HTR1F: variants seen among roughly 807,000 people sequenced by gnomAD.
HTR1F encodes the protein 5-hydroxytryptamine receptor 1F.
In HTR1F, 17 loss-of-function variants were observed where a neutral mutation model predicts 24.0. That is an observed-to-expected ratio of 0.71 (90% confidence interval 0.48 to 1.06). HTR1F has a LOEUF of 1.06. Among genes scored for constraint, HTR1F ranks in the 50% least tolerant of loss-of-function variants. The pLI, the probability that HTR1F is intolerant of heterozygous loss-of-function variation, is 0.00. For missense variants in HTR1F, 391 were observed against 427.8 expected (o/e 0.91, Z 0.76); for synonymous variants, 186 against 156.8 (o/e 1.19, Z -1.39).
intron 1 of HTR1F, among the ~76,000 whole-genome samples, chr3:87,798,886 T>G (rs1703949047): frequency 3.9e-5 from 6 of 152,212 alleles, no homozygotes; most frequent in Admixed American, 3.3e-4. Flanking sequence ...CCTTATTATA[T>G]CTTTGATTTT....
intron 2 of HTR1F, among the ~76,000 whole-genome samples, chr3:87,968,115 C>T (rs1464221432): frequency 6.6e-6 from 1 of 152,134 alleles, no homozygotes; most frequent in Non-Finnish European, 1.5e-5. Flanking sequence ...GTGACTCTTG[C>T]TATGTTTTAA....
At chr3:87,961,376 G>A (rs1010128726) in intron 2 of HTR1F, among the ~76,000 whole-genome samples, 11 of 152,080 alleles carry the variant, frequency 7.2e-5, no homozygotes, top group African/African-American at 2.7e-4. Context: ...AAAAGTGTGG[G>A]AGAGGTTTTA....
chr3:87,949,586 G>T (rs770428138), intron 2 of HTR1F, among the ~76,000 whole-genome samples: 1 of 152,148 alleles, frequency 6.6e-6, no homozygotes, highest in Admixed American at 6.5e-5. Context: ...GAATCCAGAA[G>T]GGATGGCTGA....
chr3:87,812,469 G>A (rs192120040), intron 1 of HTR1F, among the ~76,000 whole-genome samples: 72 of 152,222 alleles, frequency 4.7e-4, no homozygotes, highest in African/African-American at 1.6e-3. Context: ...ATTTGAGAGA[G>A]AGGATCTGAA....
chr3:87,952,821 G>C (rs1704863211), intron 2 of HTR1F, among the ~76,000 whole-genome samples: 1 of 150,888 alleles, frequency 6.6e-6, no homozygotes, highest in East Asian at 1.9e-4. Flanking sequence ...TTTCTCCAGA[G>C]GCAGCTACTT....
At chr3:87,913,428 A>G (rs1703823795) in intron 2 of HTR1F, among the ~76,000 whole-genome samples, 1 of 152,184 alleles carries the variant, frequency 6.6e-6, no homozygotes, top group South Asian at 2.1e-4. Flanking sequence ...ATAAAAAGTG[A>G]AAAAATAACA....
chr3:87,922,771 AG>A (rs1704037985), intron 2 of HTR1F, among the ~76,000 whole-genome samples: 1 of 151,346 alleles, frequency 6.6e-6, no homozygotes, highest in Non-Finnish European at 1.5e-5. Flanking sequence ...ACATTTATTA[AG>A]ACTGTCCCTT....
At chr3:87,831,657 C>G (rs1704583573) in intron 2 of HTR1F, among the ~76,000 whole-genome samples, 1 of 152,056 alleles carries the variant, frequency 6.6e-6, no homozygotes, top group Non-Finnish European at 1.5e-5. Context: ...CCACTGCGCC[C>G]GGCCCACAGA....
At chr3:87,801,986 TTTCC>T (rs940631502) in intron 1 of HTR1F, among the ~76,000 whole-genome samples, 8 of 138,400 alleles carry the variant, frequency 5.8e-5, no homozygotes, top group Admixed American at 2.1e-4. Flanking sequence ...GCTTTCTTTC[TTTCC>T]TTCCTTCCTT....
intron 2 of HTR1F, among the ~76,000 whole-genome samples, chr3:87,873,135 G>C (rs9809917): frequency 0.086 from 9,872 of 115,446 alleles, 410 homozygotes; most frequent in Non-Finnish European, 0.14. Flanking sequence ...CACACACACA[G>C]AGAGATTTAT....
chr3:87,820,199 CAG>C (rs1396733891), intron 1 of HTR1F, among the ~76,000 whole-genome samples: 1 of 124,340 alleles, frequency 8.0e-6, no homozygotes, highest in Non-Finnish European at 1.6e-5. Flanking sequence ...TTTTTTGAGA[CAG>C]AGTCTCGCTC....
At chr3:87,832,134 C>T (rs533204685) in intron 2 of HTR1F, among the ~76,000 whole-genome samples, 2 of 152,168 alleles carry the variant, frequency 1.3e-5, no homozygotes, top group East Asian at 3.9e-4. Context: ...TAAAAGAGAA[C>T]TCGTATTGAG....
chr3:87,838,026 ATTTC>A (rs1704719604), intron 2 of HTR1F, among the ~76,000 whole-genome samples: 1 of 152,106 alleles, frequency 6.6e-6, no homozygotes. Context: ...TTATGGAACA[ATTTC>A]TTTCAGAACA....
chr3:87,901,941 C>A (rs978480243), intron 2 of HTR1F, among the ~76,000 whole-genome samples: 1 of 151,918 alleles, frequency 6.6e-6, no homozygotes, highest in Admixed American at 6.6e-5. Flanking sequence ...AGCTAAAGAT[C>A]TGAATAAATG....
At chr3:87,851,931 C>T (rs1322089740) in intron 2 of HTR1F, among the ~76,000 whole-genome samples, 9 of 146,128 alleles carry the variant, frequency 6.2e-5, no homozygotes, top group Admixed American at 4.9e-4. Context: ...GTTTAATTTA[C>T]TTTGCTATTT....
At chr3:87,819,240 G>A (rs1271747118) in intron 1 of HTR1F, among the ~76,000 whole-genome samples, 3 of 152,052 alleles carry the variant, frequency 2.0e-5, no homozygotes, top group East Asian at 1.9e-4. Context: ...TTTACCAATT[G>A]TCACTATGAA....
chr3:87,861,052 G>A (rs1256288251), intron 2 of HTR1F, among the ~76,000 whole-genome samples: 1 of 152,158 alleles, frequency 6.6e-6, no homozygotes, highest in Non-Finnish European at 1.5e-5. Flanking sequence ...AGCTACACGG[G>A]AAGCTGAGGC....
rs573902021 is a variant in HTR1F, at chr3:87,796,383, A to G, written c.-160+3541A>G. ...GCTTACTAGATATCTAGGTGCAGGC[A>G]TAACGGGTAGATGGGACAGAGCTCA... is the stretch of plus-strand genomic sequence containing the variant. On this transcript the variant is annotated intron_variant, in intron 1 of 2. Coordinates refer to ENST00000319595, the MANE Select transcript of HTR1F (RefSeq NM_001322209.2). 2.6e-5 allele frequency among the ~76,000 whole-genome samples: 4 copies of G among 152,296 alleles called. No individual in the cohort carries two copies. The East Asian group carries it at 5.8e-4, about 22-fold the overall frequency.
intron 2 of HTR1F, among the ~76,000 whole-genome samples, chr3:87,889,673 A>ATT (rs751000963): frequency 6.6e-6 from 1 of 151,414 alleles, no homozygotes; most frequent in Non-Finnish European, 1.5e-5. Context: ...ATAAAATTTG[A>ATT]TTTTTTTTTG....
Sources: allele counts gnomAD v4.1 joint callset (sites outside exome capture counted in the v4.1 genomes callset), GRCh38; gene constraint gnomAD v4.1.1; transcripts MANE v1.5; gene names NCBI Gene and HGNC (gene_info 2026-07-23, HGNC 2026-07-21).